The following MALT1 variants were observed in gnomAD, a reference collection of about 807,000 sequenced individuals.
MALT1 encodes mucosa-associated lymphoid tissue lymphoma translocation protein 1.
In MALT1, 36 loss-of-function variants were observed where a neutral mutation model predicts 85.5. The observed-to-expected ratio is 0.42, with a 90% CI of 0.32 to 0.56. The LOEUF is 0.56. Among genes scored for constraint, MALT1 ranks in the 20% least tolerant of loss-of-function variants. The pLI is 0.10. For missense variants in MALT1, 716 were observed against 981.6 expected (o/e 0.73, Z 3.62); for synonymous variants, 359 against 361.3 (o/e 0.99, Z 0.07).
intron 1 of MALT1, chr18:58,677,547 A>T (rs2054259275): frequency 6.6e-6 from 1 of 152,206 alleles, no homozygotes; most frequent in South Asian, 2.1e-4. Context: ...TAGTAAAATA[A>T]AATTTCACAA....
In MALT1 at chr18:58,735,182, C is replaced by T. The variant is rs562840580; in HGVS notation, c.1476-20C>T. On this transcript the variant is annotated intron_variant, in intron 12 of 16. Transcript: ENST00000649217. Reference sequence around the variant, plus strand: ...ATTTGCCTTTCTGTGCCTGGCTTAACTTCTTTTTCTATTTTTAAGGTGTCA... The same window carrying T: ...ATTTGCCTTTCTGTGCCTGGCTTAATTTCTTTTTCTATTTTTAAGGTGTCA... 3.1e-6 allele frequency: 5 copies of T among 1,596,656 alleles called. No homozygotes were observed. Among genetic ancestry groups the T allele is most frequent in the South Asian group, 2.3e-5 (2 of 87,226 alleles).
At chr18:58,728,372 G>A (rs1419039703) in intron 10 of MALT1, among the ~76,000 whole-genome samples, 12 of 151,002 alleles carry the variant, frequency 7.9e-5, no homozygotes, top group Admixed American at 7.9e-4. Context: ...GGGAAGCTAA[G>A]GTGGGAGGGT....
chr18:58,700,176 A>G lies in MALT1; in HGVS notation c.499-265A>G, dbSNP rs562713514. 5.3e-5 allele frequency among the ~76,000 whole-genome samples: 8 copies of G among 152,334 alleles called. No homozygotes were observed. In the South Asian group the frequency reaches 1.2e-3, roughly 24 times the overall value. On this transcript the variant is annotated intron_variant, in intron 3 of 16. Transcript: ENST00000649217. ...ATTGATCTCTTAAATGCCAGAGCAA[A>G]TAGTTTTCTGTTAGTGAGCCTTTGG...
In MALT1 at chr18:58,671,818, G is replaced by C; in HGVS notation, c.175G>C (p.Glu59Gln). The C allele has an allele frequency of 4.0e-6, 5 of 1,235,260 alleles. No homozygotes were observed. The highest frequency in any genetic ancestry group is 5.1e-6 in the Non-Finnish European group (5 of 990,010). The allele number at this position is 1,235,260 out of a possible 1,614,324, so 76.5% of individuals were successfully genotyped here. The change falls in exon 1 of 17, where the codon GAG becomes CAG. Residue 59 changes from glutamate (E) to glutamine (Q), a missense_variant. By Grantham distance (29) the Glu-to-Gln change is conservative (BLOSUM62 2). Transcript: ENST00000649217. ...GGGCCGGGGCTGGAGGAGACTGGCG[G>C]AGCTGGCGGGGAGTCGCGGGCGCCT... ...PEGRGWRRLA[E>Q]LAGSRGRLRL...
chr18:58,671,974 G>T, intron 1 of MALT1, 122 bp downstream of exon 1: 1 of 608,624 alleles, frequency 1.6e-6, no homozygotes, highest in Non-Finnish European at 2.3e-6. Flanking sequence ...GTGAGCGGAG[G>T]TGGGGAGGAC....
In MALT1 at chr18:58,748,024, C is replaced by CTCTTTCTAAGATTTTGT. The variant is rs2144495978; in HGVS notation, c.*183_*199dup. On this transcript the variant is annotated 3_prime_UTR_variant, in exon 17 of 17. Coordinates refer to ENST00000649217, the MANE Select transcript of MALT1 (RefSeq NM_006785.4). ...ATTACATTATTTAATTACAGACTTC[C>CTCTTTCTAAGATTTTGT]TCTTTCTAAGATTTTGTGAATTGGT... is the stretch of plus-strand genomic sequence containing the variant. 1.7e-6 allele frequency: 1 copy of CTCTTTCTAAGATTTTGT among 579,936 alleles called. No homozygotes were observed. Among genetic ancestry groups the CTCTTTCTAAGATTTTGT allele is most frequent in the East Asian group, 2.9e-5 (1 of 34,518 alleles). 35.9% of individuals were successfully genotyped at this position (579,936 alleles called of 1,614,324 possible).
In MALT1 at chr18:58,710,865, G is replaced by C. The variant is rs1337657066; in HGVS notation, c.926-56G>C. The C allele has an allele frequency of 3.3e-6, 4 of 1,197,060 alleles. No homozygotes were observed. The African/African-American group carries it at 6.1e-5, about 18-fold the overall frequency. 74.2% of individuals were successfully genotyped at this position (1,197,060 alleles called of 1,614,324 possible). A position where few individuals can be genotyped will look rare whatever the true frequency, so the allele number is the denominator to read the frequency against. On this transcript the variant is annotated intron_variant, in intron 6 of 16. Transcript: ENST00000649217. ...ATTGATCTCTATTTGCTTGACGGCT[G>C]CCCTTCTTAAGATCATGAATTACAA...
chr18:58,690,801 C>A, intron 2 of MALT1: 1 of 220,794 alleles, frequency 4.5e-6, no homozygotes, highest in East Asian at 1.2e-4. Flanking sequence ...AAATGCCTTC[C>A]TGAGAAAGTA....
chr18:58,698,893 A>C (rs1257009076), intron 3 of MALT1, among the ~76,000 whole-genome samples: 2 of 152,194 alleles, frequency 1.3e-5, no homozygotes, highest in African/African-American at 4.8e-5. Context: ...CTTCATTGTG[A>C]CCGTAAAGTC....
At chr18:58,693,541 A>G (rs1427334767) in intron 2 of MALT1, among the ~76,000 whole-genome samples, 2 of 152,238 alleles carry the variant, frequency 1.3e-5, no homozygotes, top group African/African-American at 4.8e-5. Flanking sequence ...TAGAACTTTG[A>G]TAGCTAGAGA....
Position 58,724,794 on chromosome 18 carries a change from A to G in MALT1, c.1222+1543A>G, listed in dbSNP as rs140214349. On this transcript the variant is annotated intron_variant, in intron 10 of 16. Coordinates refer to ENST00000649217, the MANE Select transcript of MALT1 (RefSeq NM_006785.4). ...GAGGCCGAGGTGGGTGGATCACTTG[A>G]GCCCAGGAGTTTGAGACCAGCCTGG... Among the ~76,000 whole-genome samples, 402 of 152,252 alleles carry G rather than the reference A, an allele frequency of 2.6e-3. 6 individuals are homozygous for G. The highest frequency in any genetic ancestry group is 0.021 in the South Asian group (103 of 4,822).
In MALT1 at chr18:58,725,617, G is replaced by GA. The variant is rs1246799679; in HGVS notation, c.1222+2372dup. Among the ~76,000 whole-genome samples, 7 of 152,252 alleles carry GA rather than the reference G, an allele frequency of 4.6e-5. No homozygotes were observed. The East Asian group carries it at 1.2e-3, about 25-fold the overall frequency. On this transcript the variant is annotated intron_variant, in intron 10 of 16. Transcript: ENST00000649217. Reference sequence around the variant, plus strand: ...TTCACTAGAAGTGATGAGGTGTAAGGAAAAAATATTGATCAGTTTAGGTTT... The same window carrying GA: ...TTCACTAGAAGTGATGAGGTGTAAGGAAAAAAATATTGATCAGTTTAGGTTT...
Position 58,696,391 on chromosome 18 carries a change from G to C in MALT1, c.402G>C (p.Glu134Asp). The C allele has an allele frequency of 2.2e-6, 3 of 1,363,456 alleles. No homozygotes were observed. Among genetic ancestry groups the C allele is most frequent in the Non-Finnish European group, 3.0e-6 (3 of 994,738 alleles). 84.5% of individuals were successfully genotyped at this position (1,363,456 alleles called of 1,614,324 possible). A position where few individuals can be genotyped will look rare whatever the true frequency, so the allele number is the denominator to read the frequency against. ...GAATAAAGATTACTGTAAACCCAGA[G>C]TCAAAGGCAGTCTTGGCTGGACAGT... is the stretch of plus-strand genomic sequence containing the variant. ...PPGIKITVNP[E>D]SKAVLAGQFV... is the part of the protein sequence containing the mutation. The change falls in exon 3 of 17, where the codon GAG becomes GAC. Residue 134 changes from glutamate to aspartate, a missense_variant. Physicochemically the swap from Glu to Asp is conservative, Grantham distance 45. Transcript: ENST00000649217.
At chr18:58,737,573 CTTTTT>C (rs542313784) in intron 13 of MALT1, among the ~76,000 whole-genome samples, 1 of 151,702 alleles carries the variant, frequency 6.6e-6, no homozygotes, top group East Asian at 1.9e-4. Flanking sequence ...TTACCAATTT[CTTTTT>C]TTAATTTTTT....
At chr18:58,702,003 G>T (rs906398051) in intron 4 of MALT1, among the ~76,000 whole-genome samples, 2 of 152,084 alleles carry the variant, frequency 1.3e-5, no homozygotes, top group African/African-American at 4.8e-5. Context: ...TACATTTAAA[G>T]CACAAATTCA....
At chr18:58,705,045 A>G (rs1225511095) in intron 4 of MALT1, among the ~76,000 whole-genome samples, 2 of 152,038 alleles carry the variant, frequency 1.3e-5, no homozygotes, top group African/African-American at 4.8e-5. Context: ...GCGCCCGGCC[A>G]AAAAAGCATT....
intron 4 of MALT1, among the ~76,000 whole-genome samples, chr18:58,704,335 T>C (rs546291783): frequency 5.8e-4 from 88 of 152,322 alleles, no homozygotes; most frequent in African/African-American, 2.0e-3. Context: ...TTGGCCAACA[T>C]TGGTTGTTAG....
intron 2 of MALT1, among the ~76,000 whole-genome samples, chr18:58,689,938 G>A (rs1336383728): frequency 6.6e-6 from 1 of 152,236 alleles, no homozygotes; most frequent in African/African-American, 2.4e-5. Context: ...TGAGCCTGGA[G>A]AAGAGCGGAG....
At chr18:58,711,925 C>G (rs1303484400) in intron 7 of MALT1, among the ~76,000 whole-genome samples, 2 of 152,082 alleles carry the variant, frequency 1.3e-5, no homozygotes, top group Non-Finnish European at 2.9e-5. Flanking sequence ...TGAAGAAATC[C>G]TAATCGAACT....
Sources: allele counts gnomAD v4.1 joint callset (sites outside exome capture counted in the v4.1 genomes callset), GRCh38; gene constraint gnomAD v4.1.1; transcripts MANE v1.5; gene names NCBI Gene and HGNC (gene_info 2026-07-23, HGNC 2026-07-21).